CDH8: variants seen among roughly 807,000 people sequenced by gnomAD.
The protein encoded by CDH8 is cadherin-8.
CDH8 carries 17 observed loss-of-function variants against 68.1 expected under a neutral mutation model. That is an observed-to-expected ratio of 0.25 (90% CI 0.17 to 0.37). The LOEUF is 0.37. CDH8 is among the 10% of genes least tolerant of loss of function. The pLI is 1.00. For synonymous variants in CDH8, 372 were observed against 365.1 expected, an observed-to-expected ratio of 1.02 and a Z score of -0.21; for missense variants, 763 against 999.3, an observed-to-expected ratio of 0.76 and a Z score of 3.19.
intron 8 of CDH8, among the ~76,000 whole-genome samples, chr16:61,737,045 C>T (rs960039718): frequency 6.6e-6 from 1 of 152,102 alleles, no homozygotes; most frequent in African/African-American, 2.4e-5. Context: ...TTGACTTCTA[C>T]CATTTGAGTA....
intron 4 of CDH8, among the ~76,000 whole-genome samples, chr16:61,844,395 C>G (rs1012493503): frequency 1.3e-5 from 2 of 151,862 alleles, no homozygotes; most frequent in African/African-American, 4.8e-5. Context: ...CAAACCTGCA[C>G]GTTGTGCACA....
chr16:61,736,478 T>A (rs947909317), intron 8 of CDH8, among the ~76,000 whole-genome samples: 1 of 152,318 alleles, frequency 6.6e-6, no homozygotes, highest in African/African-American at 2.4e-5. Context: ...TAGCCCTAAG[T>A]AGATGAATGT....
At chr16:61,810,450 C>T (rs887625675) in intron 7 of CDH8, among the ~76,000 whole-genome samples, 4 of 151,080 alleles carry the variant, frequency 2.6e-5, no homozygotes, top group South Asian at 4.2e-4. Context: ...TTTTTCTATC[C>T]AAATAATTTC....
At position 61,767,000 on chromosome 16, in the gene CDH8, G is replaced by A. The variant is rs139935908; in HGVS notation, c.1414+22346C>T. Among the ~76,000 whole-genome samples, 371 of 152,012 alleles carry A rather than the reference G, an allele frequency of 2.4e-3. 1 individual carries two copies. The highest frequency in any genetic ancestry group is 8.6e-3 in the African/African-American group (357 of 41,532). On this transcript the variant is annotated intron_variant, in intron 8 of 11. Transcript: ENST00000577390. ...TAAAACAATCTGCAGCAAAAGGAGA[G>A]AATGGGCATTCTATGCAGCAAGCCA...
At chr16:61,938,465 C>CCCCT (rs1423155411) in intron 2 of CDH8, among the ~76,000 whole-genome samples, 1 of 152,036 alleles carries the variant, frequency 6.6e-6, no homozygotes, top group African/African-American at 2.4e-5. Context: ...TTTTTGTTTT[C>CCCCT]CCCTGCAATA....
intron 2 of CDH8, among the ~76,000 whole-genome samples, chr16:61,939,289 G>C (rs571637249): frequency 1.2e-4 from 18 of 152,232 alleles, no homozygotes; most frequent in African/African-American, 4.3e-4. Context: ...AACAAAACAT[G>C]AATTGGAAAA....
At chr16:61,811,351 T>C (rs1043195295) in intron 7 of CDH8, among the ~76,000 whole-genome samples, 10 of 152,168 alleles carry the variant, frequency 6.6e-5, no homozygotes, top group African/African-American at 2.4e-4. Context: ...GTTTTCAAAT[T>C]GGGGACAATC....
Position 61,651,151 on chromosome 16 carries a change from T to C in CDH8, c.*2457A>G, listed in dbSNP as rs567049097. 6.6e-6 allele frequency: 1 copy of C among 152,266 alleles called. No individual in the cohort carries two copies. The highest frequency in any genetic ancestry group is 2.1e-4 in the South Asian group (1 of 4,828). 9.4% of individuals were successfully genotyped at this position (152,266 alleles called of 1,614,324 possible). A position where few individuals can be genotyped will look rare whatever the true frequency, so the allele number is the denominator to read the frequency against. On this transcript the variant is annotated 3_prime_UTR_variant, in exon 12 of 12. Transcript: ENST00000577390. Reference sequence around the variant, plus strand: ...CAAAGTACACTAGAAATGAGTCTGGTGTTCAAGAGATACATAAAACATAAT... The same window carrying C: ...CAAAGTACACTAGAAATGAGTCTGGCGTTCAAGAGATACATAAAACATAAT...
chr16:61,773,919 A>G (rs1026670100), intron 8 of CDH8, among the ~76,000 whole-genome samples: 2 of 151,986 alleles, frequency 1.3e-5, no homozygotes, highest in Non-Finnish European at 2.9e-5. Context: ...TGACAGCCCA[A>G]ATGAGATGGA....
chr16:61,921,825 T>G (rs902716274), intron 2 of CDH8, among the ~76,000 whole-genome samples: 1 of 151,764 alleles, frequency 6.6e-6, no homozygotes, highest in African/African-American at 2.4e-5. Flanking sequence ...AGGTCAGGAG[T>G]TCAAGACCAG....
chr16:61,899,091 C>G (rs1335434768), intron 3 of CDH8, among the ~76,000 whole-genome samples: 1 of 152,148 alleles, frequency 6.6e-6, no homozygotes, highest in Non-Finnish European at 1.5e-5. Flanking sequence ...AACCAATCAT[C>G]TACATTAGGT....
intron 10 of CDH8, among the ~76,000 whole-genome samples, chr16:61,695,731 A>G (rs963101815): frequency 2.0e-5 from 3 of 152,240 alleles, no homozygotes; most frequent in Admixed American, 6.5e-5. Context: ...AATATCTAGA[A>G]GAAAACTAAA....
At position 61,655,618 on chromosome 16, in the gene CDH8, C is replaced by A; in HGVS notation, c.1758G>T (p.Leu586=). The change falls in exon 11 of 12, where the codon CTG becomes CTT. Residue 586 remains leucine (L), a synonymous_variant. Transcript: ENST00000577390. ...TGATTGTCAAGGTGCTAGTGCTGCT[C>A]AGTGGAGGATTTCCACTATCACTGA... is the stretch of plus-strand genomic sequence containing the variant. ...IIISDSGNPP[L]SSTSTLTIRV... The A allele has an allele frequency of 6.2e-7, 1 of 1,614,038 alleles. No individual in the cohort carries two copies. Among genetic ancestry groups the A allele is most frequent in the Non-Finnish European group, 8.5e-7 (1 of 1,179,956 alleles).
intron 7 of CDH8, among the ~76,000 whole-genome samples, chr16:61,811,364 AT>A (rs1321004113): frequency 6.6e-6 from 1 of 152,176 alleles, no homozygotes; most frequent in Non-Finnish European, 1.5e-5. Context: ...GGACAATCAA[AT>A]TTTTATTTGG....
chr16:61,701,516 T>C (rs1964427989), intron 10 of CDH8, among the ~76,000 whole-genome samples: 1 of 152,202 alleles, frequency 6.6e-6, no homozygotes, highest in African/African-American at 2.4e-5. Flanking sequence ...TAATATATTG[T>C]GTACATTTGA....
chr16:61,960,212 T>TAC lies in CDH8; in HGVS notation c.253-58740_253-58739insGT, dbSNP rs764641885. ...GTGTGTATACACATACATATATACA[T>TAC]GTGTGTGTGTATACACACATATATA... On this transcript the variant is annotated intron_variant, in intron 2 of 11. Coordinates refer to ENST00000577390, the MANE Select transcript of CDH8 (RefSeq NM_001796.5). 3.0e-5 allele frequency among the ~76,000 whole-genome samples: 2 copies of TAC among 65,880 alleles called. 1 individual carries two copies. Among genetic ancestry groups the TAC allele is most frequent in the Non-Finnish European group, 5.8e-5 (2 of 34,682 alleles). The allele number at this position is 65,880 out of a possible 152,430, so 43.2% of individuals were successfully genotyped here. A position where few individuals can be genotyped will look rare whatever the true frequency, so the allele number is the denominator to read the frequency against.
chr16:61,960,321 GTGTGTGTGTATACACACATATATACA>G (rs1567546500), intron 2 of CDH8, among the ~76,000 whole-genome samples: 1,136 of 46,654 alleles, frequency 0.024, 283 homozygotes, highest in Non-Finnish European at 0.03. Context: ...ACATATATAC[GTGTGTGTGTATACACACATATATACA>G]TGTGTGTGTG....
intron 2 of CDH8, among the ~76,000 whole-genome samples, chr16:61,915,613 G>A (rs754041336): frequency 1.3e-5 from 2 of 152,166 alleles, no homozygotes; most frequent in Non-Finnish European, 2.9e-5. Flanking sequence ...TAGGTGTTTA[G>A]TGTTTTGTTT....
rs1964941106 is a variant in CDH8 at position 61,953,928 on chromosome 16, A to AT, written c.253-52456_253-52455insA. Among the ~76,000 whole-genome samples the AT allele has an allele frequency of 2.3e-4, 28 of 123,842 alleles. 1 individual carries two copies. Among genetic ancestry groups the AT allele is most frequent in the Admixed American group, 2.1e-3 (28 of 13,046 alleles). The allele number at this position is 123,842 out of a possible 152,430, so 81.2% of individuals were successfully genotyped here. A position where few individuals can be genotyped will look rare whatever the true frequency, so the allele number is the denominator to read the frequency against. On this transcript the variant is annotated intron_variant, in intron 2 of 11. Transcript: ENST00000577390. ...ATATATATATATATATATATATATA[A>AT]AATACCTTAATAACATGCTATCTAC...
Sources: allele counts gnomAD v4.1 joint callset (sites outside exome capture counted in the v4.1 genomes callset), GRCh38; gene constraint gnomAD v4.1.1; transcripts MANE v1.5; gene names NCBI Gene and HGNC (gene_info 2026-07-23, HGNC 2026-07-21).